Variants in RBFOX1 observed in about 807,000 individuals in gnomAD.
RBFOX1 encodes RNA binding protein fox-1 homolog 1.
RBFOX1 carries 8 observed loss-of-function variants against 57.7 expected under a neutral mutation model. The observed-to-expected ratio is 0.14, with a 90% CI of 0.08 to 0.25. RBFOX1 has a LOEUF of 0.25. Among genes scored for constraint, RBFOX1 ranks in the 10% least tolerant of loss-of-function variants. RBFOX1 has a pLI of 1.00. For synonymous variants in RBFOX1, 326 were observed against 222.4 expected (o/e 1.47, Z -4.15); for missense variants, 611 against 548.5 (o/e 1.11, Z -1.14).
At chr16:6,065,734 C>A (rs1456011334) in intron 1 of RBFOX1, among the ~76,000 whole-genome samples, 1 of 152,170 alleles carries the variant, frequency 6.6e-6, no homozygotes, top group Non-Finnish European at 1.5e-5. Context: ...AAGTTCCAGA[C>A]AGTGTCTCTG....
intron 1 of RBFOX1, among the ~76,000 whole-genome samples, chr16:6,270,882 C>T (rs1269431568): frequency 6.6e-6 from 1 of 151,994 alleles, no homozygotes; most frequent in Non-Finnish European, 1.5e-5. Flanking sequence ...AAATTAATAC[C>T]AGAAAGATAA....
In RBFOX1 at chr16:7,405,320, C is replaced by G. The variant is rs565325848; in HGVS notation, c.28-112827C>G. 3.2e-3 allele frequency among the ~76,000 whole-genome samples: 494 copies of G among 152,192 alleles called. 1 individual carries two copies. Among genetic ancestry groups the G allele is most frequent in the Non-Finnish European group, 4.4e-3 (296 of 68,042 alleles). ...TAGCCCCCCCGCTGCAAACCTTTGC[C>G]GCTGGAAAGCCTTCAGCTGCGATGA... On this transcript the variant is annotated intron_variant, in intron 4 of 15. Coordinates refer to ENST00000550418, the MANE Select transcript of RBFOX1 (RefSeq NM_018723.4).
chr16:7,496,737 C>CT (rs2151707265), intron 4 of RBFOX1, among the ~76,000 whole-genome samples: 1 of 65,066 alleles, frequency 1.5e-5, no homozygotes, highest in East Asian at 5.4e-4. Flanking sequence ...ATAGAAAAGA[C>CT]TACAGAACAG....
chr16:5,640,736 GCA>G (rs2048837151), intron 3 of RBFOX1, among the ~76,000 whole-genome samples: 1 of 146,160 alleles, frequency 6.8e-6, no homozygotes, highest in South Asian at 2.2e-4. Flanking sequence ...AGAAACCCAT[GCA>G]CATACACACA....
chr16:6,549,226 G>A (rs1401771171), intron 2 of RBFOX1, among the ~76,000 whole-genome samples: 1 of 19,782 alleles, frequency 5.1e-5, no homozygotes, highest in East Asian at 8.8e-4. Context: ...GGAGGAGGGA[G>A]GAAGAGGGGA....
intron 4 of RBFOX1, among the ~76,000 whole-genome samples, chr16:7,172,996 G>T (rs57416177): frequency 1.3e-5 from 2 of 152,052 alleles, no homozygotes; most frequent in Non-Finnish European, 2.9e-5. Flanking sequence ...GCAAAACAAA[G>T]AAAAACTACC....
chr16:6,078,410 AT>A (rs376432472), intron 1 of RBFOX1, among the ~76,000 whole-genome samples: 8,732 of 143,746 alleles, frequency 0.061, 302 homozygotes, highest in Non-Finnish European at 0.073. Context: ...TTTTTGGGGG[AT>A]TTTTTTTTTT....
chr16:6,567,703 C>T (rs753795100), intron 2 of RBFOX1, among the ~76,000 whole-genome samples: 1 of 152,166 alleles, frequency 6.6e-6, no homozygotes, highest in Non-Finnish European at 1.5e-5. Flanking sequence ...TGGATGGATG[C>T]CTATTTACAT....
intron 3 of RBFOX1, among the ~76,000 whole-genome samples, chr16:6,656,897 C>T (rs577649260): frequency 9.0e-6 from 1 of 111,000 alleles, no homozygotes; most frequent in East Asian, 3.5e-4. Flanking sequence ...CCTCTCCTCC[C>T]CTCAACTCTC....
chr16:5,904,740 G>A (rs1042264684), intron 4 of RBFOX1, among the ~76,000 whole-genome samples: 2 of 151,964 alleles, frequency 1.3e-5, no homozygotes, highest in Non-Finnish European at 2.9e-5. Context: ...CACTTTGGGA[G>A]GCTGAGGTGG....
At chr16:6,724,460 G>C (rs140089120) in intron 3 of RBFOX1, among the ~76,000 whole-genome samples, 3 of 151,900 alleles carry the variant, frequency 2.0e-5, no homozygotes, top group Admixed American at 6.6e-5. Context: ...CACCCACCTC[G>C]TCCTCCCAAA....
intron 11 of RBFOX1, among the ~76,000 whole-genome samples, chr16:7,644,129 A>G (rs2063318853): frequency 6.6e-6 from 1 of 152,126 alleles, no homozygotes; most frequent in Admixed American, 6.5e-5. Flanking sequence ...GGTTGCCTTT[A>G]TGTTGCATGA....
chr16:7,564,740 G>C (rs538993559), intron 5 of RBFOX1, among the ~76,000 whole-genome samples: 1 of 152,052 alleles, frequency 6.6e-6, no homozygotes, highest in Non-Finnish European at 1.5e-5. Flanking sequence ...CAGACACCTA[G>C]ACAAGGCTGT....
At chr16:6,624,097 A>T (rs1370214630) in intron 2 of RBFOX1, among the ~76,000 whole-genome samples, 1 of 152,134 alleles carries the variant, frequency 6.6e-6, no homozygotes, top group Non-Finnish European at 1.5e-5. Context: ...ACTACGTACC[A>T]CAGAAAAGGG....
chr16:6,782,268 G>C (rs1217759203), intron 3 of RBFOX1, among the ~76,000 whole-genome samples: 2 of 152,104 alleles, frequency 1.3e-5, no homozygotes, highest in Non-Finnish European at 2.9e-5. Flanking sequence ...GGCTCCCAAA[G>C]TGTTTTGTTT....
chr16:5,633,927 TAC>T (rs1222685151), intron 3 of RBFOX1, among the ~76,000 whole-genome samples: 5 of 151,466 alleles, frequency 3.3e-5, no homozygotes, highest in Admixed American at 6.6e-5. Flanking sequence ...CCAACAAACA[TAC>T]GAAAAAATGC....
chr16:7,168,764 A>C (rs77609782), intron 4 of RBFOX1, among the ~76,000 whole-genome samples: 201 of 152,316 alleles, frequency 1.3e-3, no homozygotes, highest in African/African-American at 4.6e-3. Flanking sequence ...TTCACTCCAT[A>C]ATGTACACCA....
At chr16:7,259,432 C>T (rs1257087133) in intron 4 of RBFOX1, among the ~76,000 whole-genome samples, 2 of 152,006 alleles carry the variant, frequency 1.3e-5, no homozygotes, top group African/African-American at 2.4e-5. Context: ...GAGTGAGACC[C>T]CTGTAGAGTT....
intron 3 of RBFOX1, among the ~76,000 whole-genome samples, chr16:6,656,752 A>G (rs2154091990): frequency 6.6e-6 from 1 of 152,234 alleles, no homozygotes; most frequent in South Asian, 2.1e-4. Flanking sequence ...AAATTTCTAA[A>G]CAATTTGTTG....
Sources: gnomAD v4.1 joint callset for allele counts (sites outside exome capture counted in the v4.1 genomes callset) on GRCh38, gnomAD v4.1.1 for gene constraint, MANE v1.5 for transcripts, NCBI Gene and HGNC (gene_info 2026-07-23, HGNC 2026-07-21) for gene names.